IQCM: variants seen among roughly 807,000 people sequenced by gnomAD.
The protein encoded by IQCM is IQ motif containing M.
Under a neutral mutation model 57.6 loss-of-function variants are expected in IQCM, and 45 were observed. The observed-to-expected ratio is 0.78, with a 90% CI of 0.62 to 1.00. The LOEUF (loss-of-function observed/expected upper bound fraction) is 1.00. Among genes scored for constraint, IQCM ranks in the 50% least tolerant of loss-of-function variants. The pLI is 0.00. For missense variants in IQCM, 468 were observed against 511.6 expected, an observed-to-expected ratio of 0.91 and a Z score of 0.82; for synonymous variants, 148 against 158.9, an observed-to-expected ratio of 0.93 and a Z score of 0.51.
chr4:149,493,803 G>A (rs537344394), intron 12 of IQCM, among the ~76,000 whole-genome samples: 63 of 151,560 alleles, frequency 4.2e-4, no homozygotes, highest in African/African-American at 1.3e-3. Context: ...TGCTGCAAAC[G>A]CTGTCCTTCA....
At chr4:149,789,525 C>T (rs1260230158) in intron 2 of IQCM, among the ~76,000 whole-genome samples, 2 of 152,134 alleles carry the variant, frequency 1.3e-5, no homozygotes, top group African/African-American at 2.4e-5. Context: ...ATTATGAATA[C>T]ATACACCTTA....
chr4:149,373,440 G>A (rs890614356), intron 13 of IQCM, among the ~76,000 whole-genome samples: 3 of 152,028 alleles, frequency 2.0e-5, no homozygotes, highest in East Asian at 1.9e-4. Context: ...CTAACCCTAT[G>A]AGATGTTACT....
At chr4:149,365,534 C>A (rs1729771997) in intron 13 of IQCM, among the ~76,000 whole-genome samples, 1 of 152,064 alleles carries the variant, frequency 6.6e-6, no homozygotes, top group Admixed American at 6.6e-5. Context: ...TAGTTATGTG[C>A]TTTCATAAAA....
At position 149,643,614 on chromosome 4, in the gene IQCM, C is replaced by T. The variant is rs1017224455; in HGVS notation, c.566-22370G>A. Among the ~76,000 whole-genome samples, 7 of 152,138 alleles carry T rather than the reference C, an allele frequency of 4.6e-5. 1 individual carries two copies. Among genetic ancestry groups the T allele is most frequent in the Admixed American group, 3.3e-4 (5 of 15,270 alleles). On this transcript the variant is annotated intron_variant, in intron 7 of 13. Transcript: ENST00000636793. The stretch of plus-strand genomic sequence containing the variant: ...GGGTACTCAAATCCTTTTTAGAGAT[C>T]TCTATGGCTTAAGTACCGAGCACTG...
At chr4:149,486,423 C>T (rs1351549385) in intron 12 of IQCM, among the ~76,000 whole-genome samples, 1 of 152,090 alleles carries the variant, frequency 6.6e-6, no homozygotes, top group Admixed American at 6.6e-5. Context: ...GCCACCACCA[C>T]CACCAATCCA....
In IQCM at chr4:149,587,903, C is replaced by T. The variant is rs534600762; in HGVS notation, c.749+27G>A. ...CAACAAAAATGAGTGCATTAATTTA[C>T]ACTTTTCTATTATATAAAAGATATA... On this transcript the variant is annotated intron_variant, in intron 9 of 13. Transcript: ENST00000636793. 1.4e-5 allele frequency: 15 copies of T among 1,101,036 alleles called. No homozygotes were observed. In the East Asian group the frequency reaches 4.2e-4, roughly 31 times the overall value. 68.2% of individuals were successfully genotyped at this position (1,101,036 alleles called of 1,614,324 possible).
At chr4:149,540,698 G>A (rs1747767922) in intron 12 of IQCM, among the ~76,000 whole-genome samples, 1 of 152,084 alleles carries the variant, frequency 6.6e-6, no homozygotes, top group African/African-American at 2.4e-5. Context: ...TTCTATTAAT[G>A]AAGAAGATAA....
intron 13 of IQCM, among the ~76,000 whole-genome samples, chr4:149,392,004 GT>G (rs1417042452): frequency 1.3e-5 from 2 of 151,638 alleles, no homozygotes; most frequent in Non-Finnish European, 2.9e-5. Flanking sequence ...TGGTTTAAGT[GT>G]TTAGGTTCTC....
At chr4:149,488,056 T>G (rs1741712369) in intron 12 of IQCM, among the ~76,000 whole-genome samples, 1 of 152,108 alleles carries the variant, frequency 6.6e-6, no homozygotes, top group Non-Finnish European at 1.5e-5. Flanking sequence ...CTGTGTGTGT[T>G]TTTTAAAGAT....
At chr4:149,772,992 T>A (rs1380062009) in intron 2 of IQCM, among the ~76,000 whole-genome samples, 2 of 152,156 alleles carry the variant, frequency 1.3e-5, no homozygotes, top group African/African-American at 4.8e-5. Context: ...AGGGAAAAAA[T>A]TTAAGTGGAC....
At chr4:149,686,071 G>A (rs1762525239) in intron 6 of IQCM, among the ~76,000 whole-genome samples, 2 of 151,500 alleles carry the variant, frequency 1.3e-5, no homozygotes, top group South Asian at 4.1e-4. Flanking sequence ...CTAAACTTAT[G>A]TAATATTATC....
chr4:149,776,342 GA>G (rs1771089187), intron 2 of IQCM, among the ~76,000 whole-genome samples: 1 of 152,006 alleles, frequency 6.6e-6, no homozygotes, highest in Admixed American at 6.6e-5. Context: ...TTTTAGATGG[GA>G]AAACCGAGGC....
chr4:149,539,773 G>A (rs554086595), intron 12 of IQCM, among the ~76,000 whole-genome samples: 628 of 152,174 alleles, frequency 4.1e-3, no homozygotes, highest in Non-Finnish European at 6.5e-3. Context: ...GCTGAGGAAG[G>A]AAAATCTCTT....
intron 7 of IQCM, among the ~76,000 whole-genome samples, chr4:149,637,798 A>G (rs1161375759): frequency 6.6e-6 from 1 of 152,220 alleles, no homozygotes; most frequent in Non-Finnish European, 1.5e-5. Context: ...AAATGGTACT[A>G]TCTTAAACCA....
chr4:149,383,278 T>TTC (rs1233081482), intron 13 of IQCM, among the ~76,000 whole-genome samples: 1 of 152,190 alleles, frequency 6.6e-6, no homozygotes, highest in African/African-American at 2.4e-5. Context: ...ATTTTTGACT[T>TTC]TCTCCAGTAT....
At chr4:149,620,463 T>C (rs762414525) in intron 8 of IQCM, among the ~76,000 whole-genome samples, 2 of 152,160 alleles carry the variant, frequency 1.3e-5, no homozygotes, top group Non-Finnish European at 2.9e-5. Flanking sequence ...CAACAGAACA[T>C]GTGGGAGATG....
chr4:149,763,539 A>C (rs1769739385), intron 2 of IQCM, among the ~76,000 whole-genome samples: 1 of 152,122 alleles, frequency 6.6e-6, no homozygotes, highest in Non-Finnish European at 1.5e-5. Context: ...CTGGTATGTG[A>C]AGCCCCCAGA....
chr4:149,699,710 A>G (rs1050274924), intron 5 of IQCM, among the ~76,000 whole-genome samples: 4 of 150,578 alleles, frequency 2.7e-5, no homozygotes, highest in African/African-American at 9.7e-5. Context: ...AAAAAAAAAA[A>G]AAAAAAAAAA....
intron 7 of IQCM, among the ~76,000 whole-genome samples, chr4:149,645,626 C>T (rs921462911): frequency 2.6e-5 from 4 of 152,100 alleles, no homozygotes; most frequent in South Asian, 2.1e-4. Flanking sequence ...ATTTCTCTAT[C>T]GTGTATTGAA....
Sources: allele counts gnomAD v4.1 joint callset (sites outside exome capture counted in the v4.1 genomes callset), GRCh38; gene constraint gnomAD v4.1.1; transcripts MANE v1.5; gene names NCBI Gene and HGNC (gene_info 2026-07-23, HGNC 2026-07-21).